The following ANKRD12 variants were observed in gnomAD, a reference collection of about 807,000 sequenced individuals.
The protein encoded by ANKRD12 is ankyrin repeat domain-containing protein 12.
In ANKRD12, 85 loss-of-function variants were observed where a neutral mutation model predicts 183.4. The ratio of observed to expected loss-of-function variants is 0.46; its 90% confidence interval spans 0.39 to 0.56. The LOEUF is 0.56. Ranked by LOEUF, ANKRD12 falls within the 20% of genes least tolerant of loss-of-function variation. The probability of loss-of-function intolerance (pLI) is 0.00; values close to 1 mark genes in which losing one functional copy is unlikely to be tolerated. For missense variants in ANKRD12, 2,405 were observed against 2,357.1 expected (o/e 1.02, Z -0.42); for synonymous variants, 914 against 800.2 (o/e 1.14, Z -2.40).
chr18:9,137,801 C>T (rs914311024), intron 1 of ANKRD12: 1 of 152,210 alleles, frequency 6.6e-6, no homozygotes, highest in Non-Finnish European at 1.5e-5. Flanking sequence ...TCTTAGATCT[C>T]GTTTTGAGGA....
chr18:9,172,401 C>T (rs183033621), intron 1 of ANKRD12, among the ~76,000 whole-genome samples: 3 of 152,050 alleles, frequency 2.0e-5, no homozygotes, highest in Non-Finnish European at 4.4e-5. Context: ...CCATATTTCT[C>T]GAGGTTTTGA....
intron 9 of ANKRD12, among the ~76,000 whole-genome samples, chr18:9,260,711 A>G (rs1269255612): frequency 1.3e-5 from 2 of 152,226 alleles, no homozygotes; most frequent in Non-Finnish European, 2.9e-5. Flanking sequence ...TGATTTACTT[A>G]AAAGATAGAT....
intron 1 of ANKRD12, among the ~76,000 whole-genome samples, chr18:9,142,076 T>C (rs2143344416): frequency 6.6e-6 from 1 of 152,324 alleles, no homozygotes; most frequent in South Asian, 2.1e-4. Flanking sequence ...AGTCTCTTAT[T>C]GTAACAATAG....
chr18:9,175,523 C>CTTATTTTTTT (rs2033184787), intron 1 of ANKRD12, among the ~76,000 whole-genome samples: 1 of 53,302 alleles, frequency 1.9e-5, no homozygotes, highest in Non-Finnish European at 3.2e-5. Context: ...AAAGGCTCCT[C>CTTATTTTTTT]TTTTTTTTTT....
intron 2 of ANKRD12, among the ~76,000 whole-genome samples, chr18:9,192,068 G>A (rs1182952221): frequency 6.6e-6 from 1 of 152,130 alleles, no homozygotes; most frequent in Non-Finnish European, 1.5e-5. Flanking sequence ...GGCATGATGT[G>A]GCATGGCATG....
At chr18:9,209,256 A>C (rs2035648559) in intron 5 of ANKRD12, among the ~76,000 whole-genome samples, 1 of 152,224 alleles carries the variant, frequency 6.6e-6, no homozygotes, top group Non-Finnish European at 1.5e-5. Flanking sequence ...TATAAAAGGG[A>C]GCTAAAAAGG....
At chr18:9,221,527 A>T (rs912773173) in intron 7 of ANKRD12, among the ~76,000 whole-genome samples, 3 of 152,200 alleles carry the variant, frequency 2.0e-5, no homozygotes, top group African/African-American at 7.2e-5. Flanking sequence ...TATTAGCAGA[A>T]CTCGGAAGTG....
chr18:9,223,995 A>G (rs2036569293), intron 8 of ANKRD12, among the ~76,000 whole-genome samples: 1 of 152,212 alleles, frequency 6.6e-6, no homozygotes, highest in Non-Finnish European at 1.5e-5. Flanking sequence ...CAAGATAATA[A>G]TGACTGGAAA....
chr18:9,222,792 A>T (rs1023817997), intron 8 of ANKRD12, among the ~76,000 whole-genome samples: 2 of 152,204 alleles, frequency 1.3e-5, no homozygotes, highest in Non-Finnish European at 2.9e-5. Flanking sequence ...CATGTAATAT[A>T]GTTAAATTAT....
At chr18:9,157,474 G>A (rs759582589) in intron 1 of ANKRD12, among the ~76,000 whole-genome samples, 17 of 151,140 alleles carry the variant, frequency 1.1e-4, no homozygotes, top group Non-Finnish European at 2.4e-4. Context: ...TCCAAATATT[G>A]TAAGTCGAAC....
At chr18:9,206,035 T>C (rs2035467926) in intron 4 of ANKRD12, among the ~76,000 whole-genome samples, 1 of 152,126 alleles carries the variant, frequency 6.6e-6, no homozygotes, top group Non-Finnish European at 1.5e-5. Flanking sequence ...TTTTCAGCAT[T>C]ATAAAACTGG....
chr18:9,205,232 T>G (rs2035413219), intron 4 of ANKRD12, among the ~76,000 whole-genome samples: 1 of 148,350 alleles, frequency 6.7e-6, no homozygotes, highest in Non-Finnish European at 1.5e-5. Flanking sequence ...ATGTGTTCTC[T>G]AGTATGTGAC....
chr18:9,230,800 A>G (rs1376402078), intron 8 of ANKRD12, among the ~76,000 whole-genome samples: 1 of 151,674 alleles, frequency 6.6e-6, no homozygotes, highest in Non-Finnish European at 1.5e-5. Context: ...CTGGGACTAC[A>G]GATGCGTGCC....
intron 1 of ANKRD12, among the ~76,000 whole-genome samples, chr18:9,157,046 G>A (rs868613387): frequency 7.2e-5 from 11 of 152,184 alleles, no homozygotes; most frequent in Middle Eastern, 3.2e-3. Flanking sequence ...AGAGATAGAT[G>A]GTAGTGATGA....
intron 8 of ANKRD12, among the ~76,000 whole-genome samples, chr18:9,249,460 T>G (rs1476166390): frequency 1.3e-5 from 2 of 152,178 alleles, no homozygotes; most frequent in African/African-American, 2.4e-5. Context: ...AATACACACC[T>G]TTGAAATGAT....
chr18:9,277,406 CA>C (rs2145472762), intron 11 of ANKRD12, among the ~76,000 whole-genome samples: 1 of 147,946 alleles, frequency 6.8e-6, no homozygotes, highest in South Asian at 2.2e-4. Flanking sequence ...CGGCTCACTG[CA>C]AGCTCTGCCT....
At chr18:9,161,958 G>A (rs988271587) in intron 1 of ANKRD12, among the ~76,000 whole-genome samples, 1 of 151,906 alleles carries the variant, frequency 6.6e-6, no homozygotes, top group Non-Finnish European at 1.5e-5. Flanking sequence ...AAACTCCTGG[G>A]TGCAAGCCAT....
intron 1 of ANKRD12, among the ~76,000 whole-genome samples, chr18:9,154,137 C>T (rs1049188148): frequency 3.9e-5 from 6 of 152,058 alleles, no homozygotes; most frequent in South Asian, 2.1e-4. Context: ...GATTACTCTG[C>T]GGCTGGGCAC....
intron 8 of ANKRD12, among the ~76,000 whole-genome samples, chr18:9,236,346 G>T (rs867351227): frequency 3.9e-5 from 6 of 152,220 alleles, no homozygotes; most frequent in Non-Finnish European, 8.8e-5. Flanking sequence ...GTGAGAGAAT[G>T]ATAAATTTAA....
Sources: allele counts gnomAD v4.1 joint callset (sites outside exome capture counted in the v4.1 genomes callset), GRCh38; gene constraint gnomAD v4.1.1; transcripts MANE v1.5; gene names NCBI Gene and HGNC (gene_info 2026-07-23, HGNC 2026-07-21).